The following LRP11 variants were observed in gnomAD, a reference collection of about 807,000 sequenced individuals.
LRP11 encodes LDL receptor related protein 11, also known as low-density lipoprotein receptor-related protein 11.
In LRP11, 25 loss-of-function variants were observed where a neutral mutation model predicts 43.1. The ratio of observed to expected loss-of-function variants is 0.58; its 90% CI spans 0.42 to 0.81. LRP11 has a LOEUF of 0.81. Among genes scored for constraint, LRP11 ranks in the 30% least tolerant of loss-of-function variants. The pLI is 0.00. For missense variants in LRP11, 623 were observed against 665.1 expected (o/e 0.94, Z 0.70); for synonymous variants, 316 against 299.4 (o/e 1.06, Z -0.57).
In LRP11 at chr6:149,827,907, A is replaced by G. The variant is rs1242981943; in HGVS notation, c.1253-1548T>C. Among the ~76,000 whole-genome samples, 1 of 152,058 alleles carries G rather than the reference A, an allele frequency of 6.6e-6. No homozygotes were observed. Among genetic ancestry groups the G allele is most frequent in the Non-Finnish European group, 1.5e-5 (1 of 68,022 alleles). ...AGGCATGGTGGGCGCCTGTAGTCCC[A>G]GCTGCTGGGGAGGCTGAGGCAGGAG... On this transcript the variant is annotated intron_variant, in intron 5 of 6. Transcript: ENST00000239367. The surrounding 1 kb of genome is among the most constrained non-coding windows in gnomAD (Gnocchi z 4.2).
At chr6:149,855,454 A>T (rs1452872972) in intron 1 of LRP11, among the ~76,000 whole-genome samples, 1 of 152,196 alleles carries the variant, frequency 6.6e-6, no homozygotes. Flanking sequence ...ATGTAAATAA[A>T]CACTGAAGAA....
Position 149,864,261 on chromosome 6 carries a change from A to G in LRP11, c.-241T>C. ...GCACCGCTCCTTGCCCTCGCCGGAGACTGCCCAGCGCCCTGCGCCTCTCCG... is the reference window on the plus strand; with the variant it reads ...GCACCGCTCCTTGCCCTCGCCGGAGGCTGCCCAGCGCCCTGCGCCTCTCCG... On this transcript the variant is annotated 5_prime_UTR_variant, in exon 1 of 7. Coordinates refer to ENST00000239367, the MANE Select transcript of LRP11 (RefSeq NM_032832.6). 1 of 1,073,550 alleles carries G rather than the reference A, an allele frequency of 9.3e-7. No homozygotes were observed. The highest frequency in any genetic ancestry group is 1.1e-6 in the Non-Finnish European group (1 of 888,430). 66.5% of individuals were successfully genotyped at this position (1,073,550 alleles called of 1,614,324 possible). A position where few individuals can be genotyped will look rare whatever the true frequency, so the allele number is the denominator to read the frequency against.
At chr6:149,832,643 T>C (rs188805714) in intron 5 of LRP11, among the ~76,000 whole-genome samples, 7,176 of 139,016 alleles carry the variant, frequency 0.052, 651 homozygotes, top group African/African-American at 0.18. Context: ...TTTTTTGAGA[T>C]GGAGTCTCGC....
Sources: gnomAD v4.1 joint callset for allele counts (sites outside exome capture counted in the v4.1 genomes callset) on GRCh38, gnomAD v4.1.1 for gene constraint, Gnocchi (gnomAD v3.1) non-coding constraint, MANE v1.5 for transcripts, NCBI Gene and HGNC (gene_info 2026-07-23, HGNC 2026-07-21) for gene names.